Variants in IRAG2 observed in about 807,000 individuals in gnomAD.
IRAG2 encodes the protein inositol 1,4,5-triphosphate receptor associated 2, also known as lymphoid restricted membrane protein.
A neutral mutation model predicts 69.9 loss-of-function variants in IRAG2; 45 were observed. That is an observed-to-expected ratio of 0.64 (90% confidence interval 0.51 to 0.83). IRAG2 has a LOEUF of 0.83. IRAG2 is among the 40% of genes least tolerant of loss of function. The pLI, the probability that IRAG2 is intolerant of heterozygous loss-of-function variation, is 0.00. For missense variants in IRAG2, 520 were observed against 587.0 expected, an observed-to-expected ratio of 0.89 and a Z score of 1.18; for synonymous variants, 193 against 202.4, an observed-to-expected ratio of 0.95 and a Z score of 0.40.
intron 15 of IRAG2, among the ~76,000 whole-genome samples, chr12:25,099,104 A>G (rs1186090182): frequency 6.6e-6 from 1 of 152,166 alleles, no homozygotes; most frequent in African/African-American, 2.4e-5. Flanking sequence ...TGTGCACGCA[A>G]TCCCCCTGTG....
intron 2 of IRAG2, among the ~76,000 whole-genome samples, chr12:25,010,502 A>C (rs971432928): frequency 2.0e-5 from 3 of 152,192 alleles, no homozygotes; most frequent in Admixed American, 6.5e-5. Flanking sequence ...TTCTCTCTCT[A>C]AATAACTGTA....
rs941862586 is a variant in IRAG2, at chr12:25,106,736, G to T, written c.1149-207G>T. Among the ~76,000 whole-genome samples, 77 of 89,910 alleles carry T rather than the reference G, an allele frequency of 8.6e-4. 1 individual carries two copies. The highest frequency in any genetic ancestry group is 7.5e-4 in the Non-Finnish European group (32 of 42,472). The allele number at this position is 89,910 out of a possible 152,430, so 59.0% of individuals were successfully genotyped here. On this transcript the variant is annotated intron_variant, in intron 20 of 21. Transcript: ENST00000556887. ...ACATTTATTATTTTTCTAAATAGAA[G>T]AACTTATTTTTAATTAAATTTCTAT...
At chr12:25,004,395 C>A in exon 1 of IRAG2, 1 of 1,232,162 alleles carries the variant, frequency 8.1e-7, no homozygotes, top group Non-Finnish European at 1.0e-6. Flanking sequence ...TGGAAAGCAT[C>A]TGTAGAAAGA....
chr12:25,069,784 C>T (rs1185635209), intron 6 of IRAG2, among the ~76,000 whole-genome samples: 2 of 152,246 alleles, frequency 1.3e-5, no homozygotes, highest in South Asian at 4.1e-4. Flanking sequence ...CCCATTGATT[C>T]TCCAAGAATT....
chr12:25,031,656 G>C (rs547992795), intron 10 of IRAG2, among the ~76,000 whole-genome samples: 4 of 152,054 alleles, frequency 2.6e-5, no homozygotes, highest in Non-Finnish European at 5.9e-5. Context: ...GTGTGTGTGT[G>C]TGTGTTTGTT....
exon 5 of IRAG2, chr12:25,015,365 A>T: frequency 8.1e-7 from 1 of 1,232,062 alleles, no homozygotes; most frequent in South Asian, 4.1e-5. Flanking sequence ...ATGAGCACAG[A>T]TATAACAGAT....
chr12:25,033,059 C>T (rs1315363410), intron 12 of IRAG2, among the ~76,000 whole-genome samples: 2 of 151,634 alleles, frequency 1.3e-5, no homozygotes, highest in African/African-American at 4.9e-5. Flanking sequence ...TGAGTTCAAG[C>T]AATTCTTCTG....
the IRAG2 span, among the ~76,000 whole-genome samples, chr12:24,998,689 AAT>A: frequency 1.4e-5 from 2 of 147,360 alleles, no homozygotes; most frequent in African/African-American, 2.6e-5. Context: ...CACATACTTA[AAT>A]TTTTTTTTTT....
chr12:25,022,484 G>A (rs1944589264), intron 7 of IRAG2, among the ~76,000 whole-genome samples: 1 of 151,876 alleles, frequency 6.6e-6, no homozygotes, highest in African/African-American at 2.4e-5. Context: ...TCTGAGACTT[G>A]GTCTCAAAAA....
chr12:25,022,219 T>C (rs774368942), intron 7 of IRAG2, among the ~76,000 whole-genome samples: 10 of 152,228 alleles, frequency 6.6e-5, no homozygotes, highest in Non-Finnish European at 1.0e-4. Flanking sequence ...TAAATTGCTA[T>C]TGATTAAAGT....
At chr12:25,058,054 C>T (rs1173519298) in intron 1 of IRAG2, among the ~76,000 whole-genome samples, 2 of 152,160 alleles carry the variant, frequency 1.3e-5, no homozygotes, top group African/African-American at 2.4e-5. Flanking sequence ...CTGCTATGAA[C>T]GTCTGTGTAC....
At chr12:25,006,813 C>T (rs1425585628) in intron 2 of IRAG2, among the ~76,000 whole-genome samples, 6 of 151,976 alleles carry the variant, frequency 3.9e-5, no homozygotes, top group Admixed American at 2.0e-4. Flanking sequence ...CTCAGCAACA[C>T]GCAATTTACT....
At position 25,052,775 on chromosome 12, in the gene IRAG2, A is replaced by G. The variant is rs1944921246; in HGVS notation, c.-628A>G. 1.0e-5 allele frequency: 4 copies of G among 398,488 alleles called. No homozygotes were observed. In the South Asian group the frequency reaches 3.8e-4, roughly 38 times the overall value. 24.7% of individuals were successfully genotyped at this position (398,488 alleles called of 1,614,324 possible). On this transcript the variant is annotated 5_prime_UTR_variant, in exon 1 of 22. Transcript: ENST00000556887. ...CCTGGCCACACTGCTACAATCCAGC[A>G]CTAACTATCCATGTCCAGGGTAAGG...
At chr12:25,032,653 C>T (rs1944676801) in intron 12 of IRAG2, among the ~76,000 whole-genome samples, 1 of 152,160 alleles carries the variant, frequency 6.6e-6, no homozygotes, top group Non-Finnish European at 1.5e-5. Flanking sequence ...AGGATGCCAG[C>T]AGGGTTGAGT....
chr12:25,050,757 A>T (rs2139874953), upstream of IRAG2, among the ~76,000 whole-genome samples: 1 of 152,316 alleles, frequency 6.6e-6, no homozygotes, highest in African/African-American at 2.4e-5. Flanking sequence ...TGGATAAAGA[A>T]AATTTGGTAT....
chr12:25,050,118 C>T (rs574300587), upstream of IRAG2, among the ~76,000 whole-genome samples: 1 of 151,046 alleles, frequency 6.6e-6, no homozygotes, highest in Non-Finnish European at 1.5e-5. Context: ...CAGAGTGAGA[C>T]TCCGTCTCAA....
chr12:25,064,167 A>T (rs1472420803), intron 4 of IRAG2, among the ~76,000 whole-genome samples: 1 of 152,228 alleles, frequency 6.6e-6, no homozygotes. Context: ...TAGCTCACAG[A>T]CTAGCAAGGA....
chr12:25,006,228 C>G (rs539121543), intron 2 of IRAG2: 1 of 152,280 alleles, frequency 6.6e-6, no homozygotes, highest in Admixed American at 6.5e-5. Flanking sequence ...CAAAAACCAA[C>G]AGATGTCGGT....
At chr12:25,007,389 CT>C (rs1292689676) in intron 2 of IRAG2, among the ~76,000 whole-genome samples, 1 of 152,032 alleles carries the variant, frequency 6.6e-6, no homozygotes, top group African/African-American at 2.4e-5. Context: ...GATACATATC[CT>C]TTTTTTCTTA....
Sources: allele counts gnomAD v4.1 joint callset (sites outside exome capture counted in the v4.1 genomes callset), GRCh38; gene constraint gnomAD v4.1.1; transcripts MANE v1.5; gene names NCBI Gene and HGNC (gene_info 2026-07-23, HGNC 2026-07-21).